Variants in FRA10AC1 observed in about 807,000 individuals in gnomAD.
FRA10AC1 encodes protein FRA10AC1.
In FRA10AC1, 43 loss-of-function variants were observed where a neutral mutation model predicts 56.5. The ratio of observed to expected loss-of-function variants is 0.76; its 90% CI spans 0.60 to 0.98. The LOEUF (loss-of-function observed/expected upper bound fraction) is 0.98, where lower values mean the gene tolerates loss of function less well. Among genes scored for constraint, FRA10AC1 ranks in the 50% least tolerant of loss-of-function variants. The pLI, the probability that FRA10AC1 is intolerant of heterozygous loss-of-function variation, is 0.00. For synonymous variants in FRA10AC1, 112 were observed against 110.5 expected, an observed-to-expected ratio of 1.01 and a Z score of -0.09; for missense variants, 346 against 351.8, an observed-to-expected ratio of 0.98 and a Z score of 0.13.
At chr10:93,699,581 T>C (rs2059294479) in intron 2 of FRA10AC1, among the ~76,000 whole-genome samples, 1 of 152,232 alleles carries the variant, frequency 6.6e-6, no homozygotes, top group African/African-American at 2.4e-5. Context: ...TTTCTTCCCG[T>C]GACCTTAGTC....
At chr10:93,676,582 C>T (rs975437369) in intron 12 of FRA10AC1, 71 bp downstream of exon 12, 6 of 1,472,666 alleles carry the variant, frequency 4.1e-6, no homozygotes, top group Admixed American at 2.8e-5. Flanking sequence ...CAGCAAGATA[C>T]GATTCATGGG....
At chr10:93,694,279 T>C (rs2059190679) in intron 5 of FRA10AC1, among the ~76,000 whole-genome samples, 1 of 152,112 alleles carries the variant, frequency 6.6e-6, no homozygotes, top group Non-Finnish European at 1.5e-5. Context: ...AGAAGACACA[T>C]GAGTATTCTT....
At chr10:93,681,958 T>G (rs977065770) in intron 10 of FRA10AC1, among the ~76,000 whole-genome samples, 1 of 151,988 alleles carries the variant, frequency 6.6e-6, no homozygotes, top group African/African-American at 2.4e-5. Context: ...ATAATCCATA[T>G]CCACCTACAT....
chr10:93,676,574 G>C (rs1167254957), intron 12 of FRA10AC1, 79 bp downstream of exon 12: 1 of 1,457,168 alleles, frequency 6.9e-7, no homozygotes, highest in African/African-American at 1.5e-5. Context: ...TCACATCACA[G>C]CAAGATACGA....
chr10:93,686,906 T>A (rs1474123247), intron 8 of FRA10AC1, among the ~76,000 whole-genome samples: 1 of 151,836 alleles, frequency 6.6e-6, no homozygotes, highest in Non-Finnish European at 1.5e-5. Context: ...GCCTACCAAA[T>A]GTCTGGTCTT....
chr10:93,682,648 A>C (rs1460981958), intron 10 of FRA10AC1, among the ~76,000 whole-genome samples: 1 of 151,878 alleles, frequency 6.6e-6, no homozygotes, highest in East Asian at 1.9e-4. Flanking sequence ...AAAAACTTTA[A>C]AAAAAAATTA....
At chr10:93,700,764 T>C (rs992199214) in intron 1 of FRA10AC1, among the ~76,000 whole-genome samples, 4 of 152,222 alleles carry the variant, frequency 2.6e-5, no homozygotes, top group Non-Finnish European at 4.4e-5. Context: ...GAGATTTCCA[T>C]TTTCTTTTGA....
chr10:93,689,592 AT>A (rs750458983), intron 7 of FRA10AC1, among the ~76,000 whole-genome samples: 3 of 152,158 alleles, frequency 2.0e-5, no homozygotes, highest in Non-Finnish European at 4.4e-5. Flanking sequence ...GCAACTACCT[AT>A]TGGGCTTGGC....
intron 9 of FRA10AC1, among the ~76,000 whole-genome samples, chr10:93,684,316 C>G (rs1269453528): frequency 6.6e-6 from 1 of 152,084 alleles, no homozygotes; most frequent in Non-Finnish European, 1.5e-5. Flanking sequence ...GAAAATAACA[C>G]TATTTTAGAA....
rs747550044 is a variant in FRA10AC1 at position 93,685,402 on chromosome 10, A to C, written c.512-43T>G. ...ATATTAGCTATGGTAGTTGGTGATA[A>C]TATTTATCTATATGATCTAGTATTA... On this transcript the variant is annotated intron_variant, in intron 8 of 13. Coordinates refer to ENST00000359204, the MANE Select transcript of FRA10AC1 (RefSeq NM_145246.5). 12 of 856,678 alleles carry C rather than the reference A, an allele frequency of 1.4e-5. No individual in the cohort carries two copies. In the Admixed American group the frequency reaches 2.2e-4, roughly 16 times the overall value. 53.1% of individuals were successfully genotyped at this position (856,678 alleles called of 1,614,324 possible).
intron 1 of FRA10AC1, among the ~76,000 whole-genome samples, chr10:93,701,179 C>A (rs1433980806): frequency 6.6e-6 from 1 of 152,128 alleles, no homozygotes; most frequent in Non-Finnish European, 1.5e-5. Flanking sequence ...TTGGAAGAAG[C>A]TCCTAGTTCC....
At chr10:93,680,999 T>C (rs996595522) in intron 11 of FRA10AC1, among the ~76,000 whole-genome samples, 9 of 152,138 alleles carry the variant, frequency 5.9e-5, no homozygotes, top group African/African-American at 1.9e-4. Context: ...GTAAAAAAAG[T>C]CACACAGGCC....
At chr10:93,671,181 T>G (rs2058755649) in intron 12 of FRA10AC1, 1 of 206,306 alleles carries the variant, frequency 4.8e-6, no homozygotes, top group Non-Finnish European at 9.9e-6. Context: ...TTTCTTCTTT[T>G]TCTTGGTTAC....
intron 1 of FRA10AC1, among the ~76,000 whole-genome samples, chr10:93,701,297 T>C (rs898548642): frequency 3.9e-5 from 6 of 152,168 alleles, no homozygotes; most frequent in Admixed American, 3.9e-4. Context: ...TTAAATGATA[T>C]ATCAAATTGT....
chr10:93,685,170 A>G (rs1423464410), intron 9 of FRA10AC1, 76 bp downstream of exon 9: 20 of 728,892 alleles, frequency 2.7e-5, no homozygotes, highest in Non-Finnish European at 4.5e-5. Flanking sequence ...TTGCATTTGA[A>G]TTTTAAAGTC....
intron 8 of FRA10AC1, among the ~76,000 whole-genome samples, 200 bp downstream of exon 8, chr10:93,687,204 G>C (rs2059044584): frequency 6.6e-6 from 1 of 151,686 alleles, no homozygotes; most frequent in African/African-American, 2.4e-5. Context: ...ATGTTCTAAA[G>C]GCAAAAGTAT....
At chr10:93,681,209 C>G (rs1322175788) in intron 11 of FRA10AC1, among the ~76,000 whole-genome samples, 1 of 152,120 alleles carries the variant, frequency 6.6e-6, no homozygotes, top group Non-Finnish European at 1.5e-5. Flanking sequence ...AGTAACAAGT[C>G]TGTAGGTGAC....
intron 7 of FRA10AC1, among the ~76,000 whole-genome samples, chr10:93,691,542 CA>C: frequency 6.6e-6 from 1 of 152,272 alleles, no homozygotes; most frequent in South Asian, 2.1e-4. Flanking sequence ...TACTAATTAG[CA>C]CTGATTGAAA....
chr10:93,702,527 C>T lies in FRA10AC1; in HGVS notation c.-153G>A. 1 of 195,924 alleles carries T rather than the reference C, an allele frequency of 5.1e-6. No individual in the cohort carries two copies. Among genetic ancestry groups the T allele is most frequent in the South Asian group, 6.0e-5 (1 of 16,762 alleles). The allele number at this position is 195,924 out of a possible 1,614,324, so 12.1% of individuals were successfully genotyped here. On this transcript the variant is annotated 5_prime_UTR_variant, in exon 1 of 14. Transcript: ENST00000359204. Reference sequence around the variant, plus strand: ...ACAGCCTCGCCACAACCACCACCGCCGCCGCCGCCGCCGCCGCCGCCCGCA... The same window carrying T: ...ACAGCCTCGCCACAACCACCACCGCTGCCGCCGCCGCCGCCGCCGCCCGCA...
Sources: allele counts gnomAD v4.1 joint callset (sites outside exome capture counted in the v4.1 genomes callset), GRCh38; gene constraint gnomAD v4.1.1; transcripts MANE v1.5; gene names NCBI Gene and HGNC (gene_info 2026-07-23, HGNC 2026-07-21).